ATP13A4: variants seen among roughly 807,000 people sequenced by gnomAD.
ATP13A4 encodes probable cation-transporting ATPase 13A4.
In ATP13A4, 114 loss-of-function variants were observed where a neutral mutation model predicts 142.5. That is an observed-to-expected ratio of 0.80 (90% CI 0.69 to 0.93). The LOEUF (loss-of-function observed/expected upper bound fraction) is 0.93, where lower values mean the gene tolerates loss of function less well. Among genes scored for constraint, ATP13A4 ranks in the 40% least tolerant of loss-of-function variants. The probability of loss-of-function intolerance (pLI) is 0.00; values close to 1 mark genes in which losing one functional copy is unlikely to be tolerated. For missense variants in ATP13A4, 1,392 were observed against 1,454.0 expected, an observed-to-expected ratio of 0.96 and a Z score of 0.69; for synonymous variants, 488 against 514.8, an observed-to-expected ratio of 0.95 and a Z score of 0.70.
At chr3:193,457,356 G>T (rs897373822) in intron 15 of ATP13A4, 23 bp downstream of exon 15, 3 of 1,611,872 alleles carry the variant, frequency 1.9e-6, no homozygotes, top group Non-Finnish European at 2.5e-6. Context: ...GGTGTTGTGG[G>T]GTGAAGAGCA....
chr3:193,409,276 A>G (rs1233324751), intron 28 of ATP13A4, among the ~76,000 whole-genome samples: 2 of 152,260 alleles, frequency 1.3e-5, no homozygotes, highest in Admixed American at 6.5e-5. Context: ...AAAAGAAGGA[A>G]GAATATAGTG....
upstream of ATP13A4, among the ~76,000 whole-genome samples, chr3:193,555,494 G>T (rs573550076): frequency 2.1e-4 from 32 of 152,256 alleles, no homozygotes; most frequent in Middle Eastern, 3.4e-3. Context: ...AAGAACAAAG[G>T]TATCATCAAA....
intron 2 of ATP13A4, among the ~76,000 whole-genome samples, chr3:193,578,316 T>TATCTAC (rs1395184207): frequency 4.6e-5 from 7 of 151,388 alleles, no homozygotes; most frequent in African/African-American, 1.7e-4. Context: ...TCTATATCTA[T>TATCTAC]ATCTATATCT....
At chr3:193,458,362 C>G (rs770091247) in intron 14 of ATP13A4, among the ~76,000 whole-genome samples, 31 of 152,148 alleles carry the variant, frequency 2.0e-4, no homozygotes, top group African/African-American at 7.5e-4. Flanking sequence ...TTTCCTTTTA[C>G]GAGAAGATTC....
At chr3:193,449,191 T>C (rs372348126) in intron 17 of ATP13A4, among the ~76,000 whole-genome samples, 4 of 152,320 alleles carry the variant, frequency 2.6e-5, no homozygotes, top group East Asian at 3.9e-4. Context: ...GGTGCAGCCT[T>C]CAAGGCTCCT....
intron 8 of ATP13A4, among the ~76,000 whole-genome samples, chr3:193,480,521 G>T (rs767181512): frequency 1.3e-5 from 2 of 152,044 alleles, no homozygotes; most frequent in Non-Finnish European, 2.9e-5. Context: ...AGAAACATAT[G>T]AAAAAGTGCT....
At chr3:193,454,408 G>T (rs907856670) in intron 16 of ATP13A4, among the ~76,000 whole-genome samples, 196 bp from the exon 17 acceptor site, 3 of 152,118 alleles carry the variant, frequency 2.0e-5, no homozygotes, top group African/African-American at 7.2e-5. Context: ...GCTAAAATGA[G>T]AAGGAAGCAT....
chr3:193,468,047 C>T (rs1194020684), intron 9 of ATP13A4, among the ~76,000 whole-genome samples: 1 of 152,116 alleles, frequency 6.6e-6, no homozygotes, highest in East Asian at 1.9e-4. Context: ...GGTGTGGTGG[C>T]ACATGCCTGT....
intron 14 of ATP13A4, among the ~76,000 whole-genome samples, chr3:193,458,235 G>C (rs1209427932): frequency 6.6e-6 from 1 of 152,134 alleles, no homozygotes; most frequent in Non-Finnish European, 1.5e-5. Flanking sequence ...AGAAAGGAAG[G>C]GATTATAGCT....
In ATP13A4 at chr3:193,438,969, G is replaced by T. The variant is rs529252016; in HGVS notation, c.2562+54C>A. 27 of 1,522,896 alleles carry T rather than the reference G, an allele frequency of 1.8e-5. No individual in the cohort carries two copies. The African/African-American group carries it at 3.6e-4, about 20-fold the overall frequency. The allele number at this position is 1,522,896 out of a possible 1,614,324, so 94.3% of individuals were successfully genotyped here. ...CACACACTGGCAGCTACTCTAAAGG[G>T]CTTAAGTGTAATCGAATGTGAGATT... On this transcript the variant is annotated intron_variant, in intron 22 of 29. Coordinates refer to ENST00000342695, the MANE Select transcript of ATP13A4 (RefSeq NM_032279.4).
chr3:193,420,434 G>T (rs1213375032), intron 25 of ATP13A4, among the ~76,000 whole-genome samples: 1 of 150,140 alleles, frequency 6.7e-6, no homozygotes, highest in Non-Finnish European at 1.5e-5. Flanking sequence ...TAAAGACATT[G>T]ATGCAGAAAC....
chr3:193,466,056 A>G lies in ATP13A4; in HGVS notation c.1241T>C (p.Ile414Thr), dbSNP rs199991740. 250 of 1,614,050 alleles carry G rather than the reference A, an allele frequency of 1.5e-4. No homozygotes were observed. The highest frequency in any genetic ancestry group is 2.1e-4 in the Non-Finnish European group (243 of 1,180,020). Residue 414 changes from isoleucine to threonine, a missense_variant, in exon 11 of 30, where the codon ATC becomes ACC. Coordinates refer to ENST00000342695, the MANE Select transcript of ATP13A4 (RefSeq NM_032279.4). ...CLVGTATIGM[I>T]YTLCVYVLSG... ...AAGCACATAGACACACAGAGTATAG[A>G]TCATCCCAATGGTGGCTGTTCCTAC...
intron 2 of ATP13A4, among the ~76,000 whole-genome samples, chr3:193,562,476 A>T (rs1018322899): frequency 6.6e-6 from 1 of 152,188 alleles, no homozygotes; most frequent in Non-Finnish European, 1.5e-5. Flanking sequence ...GGATATTTAA[A>T]CAAAAGAGTC....
upstream of ATP13A4, chr3:193,555,034 T>G (rs570597116): frequency 1.0e-6 from 1 of 993,218 alleles, no homozygotes; most frequent in Non-Finnish European, 1.4e-6. Flanking sequence ...TCCCTGCTTA[T>G]TGCATTCTCT....
At chr3:193,412,793 A>AAGTG (rs2108603951) in intron 26 of ATP13A4, among the ~76,000 whole-genome samples, 1 of 151,906 alleles carries the variant, frequency 6.6e-6, no homozygotes, top group Non-Finnish European at 1.5e-5. Flanking sequence ...TAGGAGGCCG[A>AAGTG]GGTGGTTCAC....
At chr3:193,497,271 A>G (rs4260348) in intron 3 of ATP13A4, among the ~76,000 whole-genome samples, 1 of 152,322 alleles carries the variant, frequency 6.6e-6, no homozygotes, top group Non-Finnish European at 1.5e-5. Flanking sequence ...CTAAACAGAC[A>G]TTTTTCAAAA....
intron 1 of ATP13A4, among the ~76,000 whole-genome samples, chr3:193,542,635 A>T (rs913708491): frequency 1.3e-5 from 2 of 152,216 alleles, no homozygotes; most frequent in African/African-American, 2.4e-5. Context: ...ACAGACACAT[A>T]CACCAATGAA....
chr3:193,549,431 TATAGAGAGAGAG>T (rs1448050650), intron 1 of ATP13A4, among the ~76,000 whole-genome samples: 4 of 136,308 alleles, frequency 2.9e-5, no homozygotes, highest in African/African-American at 1.1e-4. Context: ...TATATATATA[TATAGAGAGAGAG>T]AGAGAGAGAG....
chr3:193,543,399 A>G (rs1383642007), intron 1 of ATP13A4, among the ~76,000 whole-genome samples: 1 of 152,186 alleles, frequency 6.6e-6, no homozygotes. Context: ...GAGGTCTAAT[A>G]TCCAGAAACT....
Sources: allele counts gnomAD v4.1 joint callset (sites outside exome capture counted in the v4.1 genomes callset), GRCh38; gene constraint gnomAD v4.1.1; transcripts MANE v1.5; gene names NCBI Gene and HGNC (gene_info 2026-07-23, HGNC 2026-07-21).